The following ANKS1B variants were observed in gnomAD, a reference collection of about 807,000 sequenced individuals.
The protein encoded by ANKS1B is ankyrin repeat and sterile alpha motif domain containing 1B, also known as ankyrin repeat and sterile alpha motif domain-containing protein 1B.
Under a neutral mutation model 148.3 loss-of-function variants are expected in ANKS1B, and 36 were observed. The ratio of observed to expected loss-of-function variants is 0.24; its 90% confidence interval spans 0.19 to 0.32. The LOEUF (loss-of-function observed/expected upper bound fraction) is 0.32. Ranked by LOEUF, ANKS1B falls within the 10% of genes least tolerant of loss-of-function variation. The pLI is 1.00. For synonymous variants in ANKS1B, 542 were observed against 560.8 expected (o/e 0.97, Z 0.47); for missense variants, 1,157 against 1,542.6 (o/e 0.75, Z 4.19).
chr12:98,854,240 G>A (rs1216145110), intron 17 of ANKS1B, among the ~76,000 whole-genome samples: 1 of 152,218 alleles, frequency 6.6e-6, no homozygotes, highest in Non-Finnish European at 1.5e-5. Context: ...TCAGTGGGTG[G>A]TGCGACTCCT....
At chr12:99,559,533 G>C (rs536999828) in intron 9 of ANKS1B, among the ~76,000 whole-genome samples, 10 of 152,174 alleles carry the variant, frequency 6.6e-5, no homozygotes, top group African/African-American at 2.4e-4. Flanking sequence ...TGCATGGTGG[G>C]GAAAAGAAAG....
intron 17 of ANKS1B, among the ~76,000 whole-genome samples, chr12:98,946,014 G>T (rs766802526): frequency 1.3e-5 from 2 of 152,170 alleles, no homozygotes; most frequent in Non-Finnish European, 2.9e-5. Context: ...AAATGACCAC[G>T]TGGTTGAGGT....
intron 12 of ANKS1B, among the ~76,000 whole-genome samples, chr12:99,327,407 T>A: frequency 7.5e-6 from 1 of 133,546 alleles, no homozygotes; most frequent in Non-Finnish European, 1.5e-5. Context: ...ACATATTATA[T>A]ATAATTATAT....
At chr12:99,206,757 T>C (rs1417324074) in intron 14 of ANKS1B, among the ~76,000 whole-genome samples, 4 of 152,142 alleles carry the variant, frequency 2.6e-5, no homozygotes, top group Non-Finnish European at 1.5e-5. Flanking sequence ...AGTAATGTAG[T>C]TAAGAAACAA....
intron 11 of ANKS1B, among the ~76,000 whole-genome samples, chr12:99,422,611 G>GA (rs2095123547): frequency 6.6e-6 from 1 of 152,126 alleles, no homozygotes; most frequent in African/African-American, 2.4e-5. Context: ...TTTACAGCAG[G>GA]AAAAGATACA....
chr12:99,042,174 T>G (rs1461921416), intron 17 of ANKS1B, among the ~76,000 whole-genome samples: 1 of 152,186 alleles, frequency 6.6e-6, no homozygotes, highest in Non-Finnish European at 1.5e-5. Context: ...GTTGCTCCTA[T>G]TGAGAGGTGA....
chr12:99,551,925 A>T (rs1454414614), intron 9 of ANKS1B, among the ~76,000 whole-genome samples: 2 of 151,940 alleles, frequency 1.3e-5, no homozygotes, highest in Non-Finnish European at 2.9e-5. Context: ...GCCTCTCCAG[A>T]TTTAAGGGCC....
chr12:99,863,135 T>C (rs995692360), intron 1 of ANKS1B, among the ~76,000 whole-genome samples: 2 of 152,122 alleles, frequency 1.3e-5, no homozygotes, highest in Admixed American at 1.3e-4. Flanking sequence ...TGTTGGTTGG[T>C]TTTTGTTTTG....
At chr12:99,640,514 C>G (rs1344830238) in intron 9 of ANKS1B, among the ~76,000 whole-genome samples, 1 of 152,186 alleles carries the variant, frequency 6.6e-6, no homozygotes, top group Non-Finnish European at 1.5e-5. Context: ...TCAACCGTCT[C>G]TCATTCTCTT....
chr12:98,939,623 C>T (rs977787726), intron 17 of ANKS1B, among the ~76,000 whole-genome samples: 1 of 152,194 alleles, frequency 6.6e-6, no homozygotes, highest in African/African-American at 2.4e-5. Flanking sequence ...AAAGTACAAA[C>T]TGCACTTCTT....
chr12:99,366,409 T>C (rs775635788), intron 12 of ANKS1B, among the ~76,000 whole-genome samples: 7 of 152,208 alleles, frequency 4.6e-5, no homozygotes, highest in Non-Finnish European at 8.8e-5. Context: ...GCTCCTCTAT[T>C]ATTTCATCAT....
intron 12 of ANKS1B, among the ~76,000 whole-genome samples, chr12:99,289,176 G>T (rs1026603732): frequency 1.3e-5 from 2 of 152,076 alleles, no homozygotes; most frequent in East Asian, 1.9e-4. Flanking sequence ...TGATAAAAGG[G>T]TTATTATATA....
intron 17 of ANKS1B, among the ~76,000 whole-genome samples, chr12:98,928,839 ATACT>A (rs2099811223): frequency 6.6e-6 from 1 of 151,972 alleles, no homozygotes; most frequent in African/African-American, 2.4e-5. Context: ...GGCTAAAATA[ATACT>A]TAATGGCGAA....
chr12:99,081,494 T>G (rs1245290637), intron 16 of ANKS1B, among the ~76,000 whole-genome samples: 1 of 152,170 alleles, frequency 6.6e-6, no homozygotes, highest in Non-Finnish European at 1.5e-5. Flanking sequence ...ATGACACTAT[T>G]AACCATCTGA....
Position 98,745,623 on chromosome 12 carries a change from C to T in ANKS1B, c.*116G>A. The T allele has an allele frequency of 6.8e-7, 1 of 1,465,402 alleles. No homozygotes were observed. Among genetic ancestry groups the T allele is most frequent in the Non-Finnish European group, 9.0e-7 (1 of 1,106,926 alleles). 90.8% of individuals were successfully genotyped at this position (1,465,402 alleles called of 1,614,324 possible). ...CAGTGGCCTTTCGCCCGTAACAAGG[C>T]CGCACGCTCAGAGCAGTCTTCCTCC... is the stretch of plus-strand genomic sequence containing the variant. On this transcript the variant is annotated 3_prime_UTR_variant, in exon 27 of 27. Transcript: ENST00000683438.
At position 98,858,397 on chromosome 12, in the gene ANKS1B, G is replaced by A. The variant is rs376038810; in HGVS notation, c.2779-26261C>T. Among the ~76,000 whole-genome samples the A allele has an allele frequency of 2.4e-4, 37 of 152,226 alleles. 1 individual carries two copies. The highest frequency in any genetic ancestry group is 1.6e-3 in the Admixed American group (25 of 15,284). On this transcript the variant is annotated intron_variant, in intron 17 of 26. Transcript: ENST00000683438. ...CTTGCTCTGTCAGCCAGGCTTCAGCGAAGTGCTGAGATCATGGCTCACTGT... is the reference window on the plus strand; with the variant it reads ...CTTGCTCTGTCAGCCAGGCTTCAGCAAAGTGCTGAGATCATGGCTCACTGT...
intron 17 of ANKS1B, among the ~76,000 whole-genome samples, chr12:98,894,318 C>T (rs567798580): frequency 2.1e-4 from 32 of 151,336 alleles, no homozygotes; most frequent in African/African-American, 2.9e-4. Context: ...GAGAGACACC[C>T]AGCAATTTAC....
intron 12 of ANKS1B, among the ~76,000 whole-genome samples, chr12:99,346,670 A>C (rs1021167269): frequency 2.8e-4 from 42 of 152,038 alleles, no homozygotes; most frequent in African/African-American, 9.7e-4. Flanking sequence ...AAAGTTACTG[A>C]AATTCTGGAA....
chr12:99,932,788 C>G (rs1342187308), intron 1 of ANKS1B, among the ~76,000 whole-genome samples: 1 of 151,952 alleles, frequency 6.6e-6, no homozygotes, highest in Non-Finnish European at 1.5e-5. Context: ...CCCATTTGTC[C>G]ATGTTTGCTT....
Sources: allele counts gnomAD v4.1 joint callset (sites outside exome capture counted in the v4.1 genomes callset), GRCh38; gene constraint gnomAD v4.1.1; transcripts MANE v1.5; gene names NCBI Gene and HGNC (gene_info 2026-07-23, HGNC 2026-07-21).